Variants in LRRC7 observed in about 807,000 individuals in gnomAD.
The protein encoded by LRRC7 is leucine rich repeat containing 7.
A neutral mutation model predicts 175.7 loss-of-function variants in LRRC7; 23 were observed. The observed-to-expected ratio is 0.13, with a 90% CI of 0.09 to 0.19. LRRC7 has a LOEUF of 0.19. LRRC7 is among the 10% of genes least tolerant of loss of function. LRRC7 has a pLI of 1.00. For missense variants in LRRC7, 1,354 were observed against 1,904.7 expected (o/e 0.71, Z 5.38); for synonymous variants, 685 against 680.9 (o/e 1.01, Z -0.09).
intron 8 of LRRC7, among the ~76,000 whole-genome samples, chr1:69,977,184 A>G (rs1652903221): frequency 6.6e-6 from 1 of 152,152 alleles, no homozygotes; most frequent in South Asian, 2.1e-4. Context: ...TGTTTCCTGA[A>G]GCAGCTGCTT....
At chr1:69,626,231 A>G (rs1651505202) in intron 1 of LRRC7, among the ~76,000 whole-genome samples, 1 of 152,152 alleles carries the variant, frequency 6.6e-6, no homozygotes, top group Non-Finnish European at 1.5e-5. Flanking sequence ...TTTTGGCCCC[A>G]AAAGATTGTC....
intron 1 of LRRC7, among the ~76,000 whole-genome samples, chr1:69,596,644 G>A (rs967596198): frequency 6.6e-6 from 1 of 152,192 alleles, no homozygotes; most frequent in Non-Finnish European, 1.5e-5. Context: ...TCAATCATTT[G>A]AATATTGGAA....
At chr1:70,091,463 T>C (rs889212085) in intron 25 of LRRC7, among the ~76,000 whole-genome samples, 2 of 152,288 alleles carry the variant, frequency 1.3e-5, no homozygotes, top group African/African-American at 4.8e-5. Context: ...AAGACATATT[T>C]TTCTGTTCTT....
At chr1:70,035,792 AT>A (rs1659254031) in intron 18 of LRRC7, among the ~76,000 whole-genome samples, 1 of 152,148 alleles carries the variant, frequency 6.6e-6, no homozygotes, top group African/African-American at 2.4e-5. Flanking sequence ...CTAATGAGTT[AT>A]AGCTCATCTC....
At chr1:69,841,105 G>A (rs1209126603) in intron 7 of LRRC7, among the ~76,000 whole-genome samples, 1 of 152,064 alleles carries the variant, frequency 6.6e-6, no homozygotes, top group African/African-American at 2.4e-5. Context: ...TGTCTCATGA[G>A]GCTTGAATGG....
At chr1:70,005,200 G>T (rs1031643976) in intron 11 of LRRC7, among the ~76,000 whole-genome samples, 3 of 152,072 alleles carry the variant, frequency 2.0e-5, no homozygotes, top group Non-Finnish European at 2.9e-5. Flanking sequence ...GTAGATAAAG[G>T]TCACTCAGCT....
intron 2 of LRRC7, among the ~76,000 whole-genome samples, chr1:69,704,279 A>T (rs541046844): frequency 6.6e-6 from 1 of 152,128 alleles, no homozygotes; most frequent in South Asian, 2.1e-4. Flanking sequence ...CAATTATAAC[A>T]AAATAAAATG....
At chr1:69,858,956 A>G (rs1684041131) in intron 7 of LRRC7, among the ~76,000 whole-genome samples, 2 of 152,158 alleles carry the variant, frequency 1.3e-5, no homozygotes, top group Non-Finnish European at 2.9e-5. Context: ...GCAAATATAT[A>G]CGAACTCAAC....
chr1:70,013,785 T>C (rs1362317397), intron 13 of LRRC7, among the ~76,000 whole-genome samples: 2 of 151,982 alleles, frequency 1.3e-5, no homozygotes. Flanking sequence ...CAAAATATAA[T>C]GCATGAGCTC....
chr1:69,894,524 T>A (rs1645924132), intron 7 of LRRC7, among the ~76,000 whole-genome samples: 1 of 152,208 alleles, frequency 6.6e-6, no homozygotes, highest in Non-Finnish European at 1.5e-5. Flanking sequence ...GAAGTACAAT[T>A]GCCATCTAAT....
At position 69,756,456 on chromosome 1, in the gene LRRC7, T is replaced by A. The variant is rs1325965674; in HGVS notation, c.101-3735T>A. Among the ~76,000 whole-genome samples, 5 of 151,606 alleles carry A rather than the reference T, an allele frequency of 3.3e-5. No homozygotes were observed. The South Asian group carries it at 1.0e-3, about 31-fold the overall frequency. ...GCCTAGTATGATAGATTAAAAAAAA[T>A]CAAAGCATATTGTCATGAATTTTCA... On this transcript the variant is annotated intron_variant, in intron 2 of 26. Transcript: ENST00000651989.
At chr1:69,767,062 CT>C (rs144879458) in intron 3 of LRRC7, among the ~76,000 whole-genome samples, 5,242 of 152,228 alleles carry the variant, frequency 0.034, 142 homozygotes, top group Non-Finnish European at 0.048. Flanking sequence ...CTCCTCGCCC[CT>C]GGCAACTTAT....
At chr1:69,907,245 C>T in intron 7 of LRRC7, among the ~76,000 whole-genome samples, 1 of 152,020 alleles carries the variant, frequency 6.6e-6, no homozygotes, top group Non-Finnish European at 1.5e-5. Flanking sequence ...AATCGAATAC[C>T]CTTTATTTCC....
At chr1:69,857,941 C>T (rs1470665719) in intron 7 of LRRC7, among the ~76,000 whole-genome samples, 1 of 151,980 alleles carries the variant, frequency 6.6e-6, no homozygotes, top group African/African-American at 2.4e-5. Flanking sequence ...GAACAGAGCC[C>T]TCAGAAATAA....
intron 7 of LRRC7, chr1:69,919,850 GC>G (rs992737866): frequency 1.6e-5 from 11 of 685,400 alleles, no homozygotes; most frequent in Non-Finnish European, 2.8e-5. Flanking sequence ...AGGATTGGGG[GC>G]CCAGGCCTGG....
chr1:69,589,627 A>C (rs764638119), intron 1 of LRRC7, among the ~76,000 whole-genome samples: 41 of 152,160 alleles, frequency 2.7e-4, no homozygotes, highest in Non-Finnish European at 5.0e-4. Flanking sequence ...AAGGGATGCT[A>C]TTAAAACTAT....
chr1:69,711,288 T>C (rs1039218182), intron 2 of LRRC7, among the ~76,000 whole-genome samples: 1 of 152,214 alleles, frequency 6.6e-6, no homozygotes, highest in African/African-American at 2.4e-5. Flanking sequence ...CTTGGAGTAA[T>C]GCTTATCACA....
rs1163291354 is a variant in LRRC7 at position 70,143,770 on chromosome 1, T to TAAC, written c.*21884_*21886dup. ...AAAAAAAATCAAATCACAACATGTT[T>TAAC]AACTGAAATGGCTGTATTGTAATTA... On this transcript the variant is annotated 3_prime_UTR_variant, in exon 27 of 27. Coordinates refer to ENST00000651989, the MANE Select transcript of LRRC7 (RefSeq NM_001370785.2). 14 of 152,206 alleles carry TAAC rather than the reference T, an allele frequency of 9.2e-5. No homozygotes were observed. Among genetic ancestry groups the TAAC allele is most frequent in the Admixed American group, 2.6e-4 (4 of 15,270 alleles). The allele number at this position is 152,206 out of a possible 1,614,324, so 9.4% of individuals were successfully genotyped here.
intron 3 of LRRC7, among the ~76,000 whole-genome samples, chr1:69,765,852 T>C (rs1361493): frequency 0.53 from 80,138 of 151,938 alleles, 22,423 homozygotes; most frequent in East Asian, 0.77. Flanking sequence ...GTTACTTTCT[T>C]CTGCACAGAT....
Sources: gnomAD v4.1 joint callset for allele counts (sites outside exome capture counted in the v4.1 genomes callset) on GRCh38, gnomAD v4.1.1 for gene constraint, MANE v1.5 for transcripts, NCBI Gene and HGNC (gene_info 2026-07-23, HGNC 2026-07-21) for gene names.